Variants in LHFPL6 observed in about 807,000 individuals in gnomAD.
LHFPL6 encodes LHFPL tetraspan subfamily member 6, also known as LHFPL tetraspan subfamily member 6 protein.
Under a neutral mutation model 20.6 loss-of-function variants are expected in LHFPL6, and 9 were observed. That is an observed-to-expected ratio of 0.44 (90% CI 0.26 to 0.76). The LOEUF is 0.76. Ranked by LOEUF, LHFPL6 falls within the 30% of genes least tolerant of loss-of-function variation. The pLI is 0.20. For missense variants in LHFPL6, 218 were observed against 253.5 expected, an observed-to-expected ratio of 0.86 and a Z score of 0.95; for synonymous variants, 105 against 98.7, an observed-to-expected ratio of 1.06 and a Z score of -0.38.
intron 3 of LHFPL6, among the ~76,000 whole-genome samples, chr13:39,345,538 A>AAAAAAAAAAAAAAAAAAAAAAAAAC (rs1869377161): frequency 7.0e-6 from 1 of 143,678 alleles, no homozygotes; most frequent in Non-Finnish European, 1.5e-5. Context: ...AAAAAAAAAA[A>AAAAAAAAAAAAAAAAAAAAAAAAAC]AAGAAAGAAA....
In LHFPL6 at chr13:39,601,012, C is replaced by T; in HGVS notation, c.205G>A (p.Gly69Arg). 6.2e-7 allele frequency: 1 copy of T among 1,614,160 alleles called. No homozygotes were observed. Among genetic ancestry groups the T allele is most frequent in the Non-Finnish European group, 8.5e-7 (1 of 1,180,010 alleles). Residue 69 changes from glycine to arginine, a missense_variant, in exon 2 of 4, where the codon GGG (glycine) becomes AGG (arginine). Transcript: ENST00000379589. ...ATGCCCTGGAAGGAGGCATAGCGCC[C>T]ACATTCCTCCACCATCACCATCATC... Reference protein sequence around the residue: ...RQMMVMVEECGRYASFQGIPS... With the variant: ...RQMMVMVEECRRYASFQGIPS...
At chr13:39,346,739 C>A (rs765792888) in intron 3 of LHFPL6, among the ~76,000 whole-genome samples, 3 of 152,140 alleles carry the variant, frequency 2.0e-5, no homozygotes, top group Non-Finnish European at 4.4e-5. Flanking sequence ...TCAATCAGAT[C>A]AAGCCATGCT....
At chr13:39,439,052 C>A (rs999950489) in intron 2 of LHFPL6, among the ~76,000 whole-genome samples, 1 of 152,138 alleles carries the variant, frequency 6.6e-6, no homozygotes, top group African/African-American at 2.4e-5. Context: ...ATGTTAGATC[C>A]ATCAACAGCT....
chr13:39,365,670 C>T (rs765477405), intron 3 of LHFPL6, among the ~76,000 whole-genome samples: 29 of 152,152 alleles, frequency 1.9e-4, no homozygotes, highest in African/African-American at 3.6e-4. Context: ...AAAAAGCAGG[C>T]ACAAAACATC....
chr13:39,501,010 A>G (rs747229550), intron 2 of LHFPL6, among the ~76,000 whole-genome samples: 3 of 152,166 alleles, frequency 2.0e-5, no homozygotes, highest in Non-Finnish European at 4.4e-5. Flanking sequence ...TTTCTAACAC[A>G]TTCCCAAGTG....
chr13:39,410,426 C>A (rs1871218921), intron 2 of LHFPL6, among the ~76,000 whole-genome samples: 1 of 152,130 alleles, frequency 6.6e-6, no homozygotes, highest in African/African-American at 2.4e-5. Context: ...CTCCAGTATC[C>A]CCATGGAACA....
intron 2 of LHFPL6, among the ~76,000 whole-genome samples, chr13:39,384,042 C>T (rs1870503758): frequency 6.6e-6 from 1 of 152,190 alleles, no homozygotes. Context: ...TGGGCTACAT[C>T]CCTTCCTGCT....
At chr13:39,454,628 C>CAAAAAAAAAAA (rs57933417) in intron 2 of LHFPL6, among the ~76,000 whole-genome samples, 1 of 68,584 alleles carries the variant, frequency 1.5e-5, no homozygotes, top group African/African-American at 4.5e-5. Flanking sequence ...GACTCCGTCT[C>CAAAAAAAAAAA]AAAAAAAAAA....
chr13:39,353,448 C>T (rs192306953), intron 3 of LHFPL6, among the ~76,000 whole-genome samples: 3 of 151,846 alleles, frequency 2.0e-5, no homozygotes, highest in East Asian at 2.0e-4. Flanking sequence ...ACTTTGCGGC[C>T]GGGCGCGGTG....
chr13:39,400,450 T>C (rs1490678858), intron 2 of LHFPL6, among the ~76,000 whole-genome samples: 1 of 152,194 alleles, frequency 6.6e-6, no homozygotes. Flanking sequence ...TGGACAGTGC[T>C]GTGTTAGACA....
At chr13:39,580,171 G>C (rs1378586306) in intron 2 of LHFPL6, among the ~76,000 whole-genome samples, 1 of 152,000 alleles carries the variant, frequency 6.6e-6, no homozygotes, top group East Asian at 1.9e-4. Context: ...ATAAACACAT[G>C]AAAGCATATG....
chr13:39,400,171 T>G (rs1187302006), intron 2 of LHFPL6, among the ~76,000 whole-genome samples: 3 of 152,138 alleles, frequency 2.0e-5, no homozygotes, highest in Non-Finnish European at 4.4e-5. Context: ...AAGGTGAAAA[T>G]TATTAATAGC....
intron 2 of LHFPL6, among the ~76,000 whole-genome samples, chr13:39,411,575 G>A (rs1213464742): frequency 6.6e-6 from 1 of 152,110 alleles, no homozygotes; most frequent in African/African-American, 2.4e-5. Flanking sequence ...TTTATCTCAC[G>A]AGGACCCTTT....
intron 2 of LHFPL6, among the ~76,000 whole-genome samples, chr13:39,449,869 G>T (rs1004594261): frequency 6.7e-6 from 1 of 149,982 alleles, no homozygotes; most frequent in African/African-American, 2.4e-5. Context: ...AACTAAGATT[G>T]AATAGTTTGC....
At position 39,562,447 on chromosome 13, in the gene LHFPL6, C is replaced by CATATACATATATACATATATACATAT. The variant is rs1185334406; in HGVS notation, c.385+38384_385+38385insATATGTATATATGTATATATGTATAT. On this transcript the variant is annotated intron_variant, in intron 2 of 3. Coordinates refer to ENST00000379589, the MANE Select transcript of LHFPL6 (RefSeq NM_005780.3). ...ACATATATACATATATACATATATA[C>CATATACATATATACATATATACATAT]ACATATATACATATATACACATATA... Among the ~76,000 whole-genome samples, 370 of 67,652 alleles carry CATATACATATATACATATATACATAT rather than the reference C, an allele frequency of 5.5e-3. 9 individuals carry two copies. The highest frequency in any genetic ancestry group is 0.037 in the East Asian group (74 of 2,016). The allele number at this position is 67,652 out of a possible 152,430, so 44.4% of individuals were successfully genotyped here. A position where few individuals can be genotyped will look rare whatever the true frequency, so the allele number is the denominator to read the frequency against.
intron 2 of LHFPL6, among the ~76,000 whole-genome samples, chr13:39,383,394 C>A (rs528310744): frequency 6.6e-6 from 1 of 152,206 alleles, no homozygotes; most frequent in Non-Finnish European, 1.5e-5. Flanking sequence ...CCACAGGTAG[C>A]CCTTTAAGTT....
intron 2 of LHFPL6, among the ~76,000 whole-genome samples, chr13:39,392,335 C>T (rs1226943604): frequency 6.6e-6 from 1 of 152,164 alleles, no homozygotes; most frequent in Non-Finnish European, 1.5e-5. Flanking sequence ...TGGCTCATGC[C>T]TGCAATCCCA....
intron 2 of LHFPL6, among the ~76,000 whole-genome samples, chr13:39,388,242 G>C (rs2138368294): frequency 6.6e-6 from 1 of 152,274 alleles, no homozygotes; most frequent in African/African-American, 2.4e-5. Context: ...ATGGTGCCTT[G>C]ATTCTCATTC....
At chr13:39,596,214 A>T (rs1277399252) in intron 2 of LHFPL6, among the ~76,000 whole-genome samples, 3 of 152,180 alleles carry the variant, frequency 2.0e-5, no homozygotes, top group Non-Finnish European at 1.5e-5. Context: ...AGAGAAATGG[A>T]ACAAGAATGT....
Sources: gnomAD v4.1 joint callset for allele counts (sites outside exome capture counted in the v4.1 genomes callset) on GRCh38, gnomAD v4.1.1 for gene constraint, MANE v1.5 for transcripts, NCBI Gene and HGNC (gene_info 2026-07-23, HGNC 2026-07-21) for gene names.